The following PTH2R variants were observed in gnomAD, a reference collection of about 807,000 sequenced individuals.
PTH2R encodes the protein parathyroid hormone 2 receptor.
PTH2R carries 59 observed loss-of-function variants against 60.3 expected under a neutral mutation model. That is an observed-to-expected ratio of 0.98 (90% CI 0.79 to 1.22). The LOEUF is 1.22. Among genes scored for constraint, PTH2R ranks in the 50% most tolerant of loss-of-function variants. PTH2R has a pLI of 0.00. For missense variants in PTH2R, 749 were observed against 682.6 expected, an observed-to-expected ratio of 1.10 and a Z score of -1.08; for synonymous variants, 256 against 243.8, an observed-to-expected ratio of 1.05 and a Z score of -0.47.
chr2:208,365,960 A>ATTTTTTT (rs1172950601), intron 1 of PTH2R, among the ~76,000 whole-genome samples: 2 of 16,112 alleles, frequency 1.2e-4, no homozygotes, highest in Admixed American at 1.7e-3. Flanking sequence ...ATATATATAT[A>ATTTTTTT]TTTTTTTTTT....
At chr2:208,492,248 C>A (rs1215227917) in intron 12 of PTH2R, among the ~76,000 whole-genome samples, 7 of 152,202 alleles carry the variant, frequency 4.6e-5, no homozygotes, top group Admixed American at 4.6e-4. Context: ...AGATTGATAG[C>A]ATGACAGTTA....
intron 1 of PTH2R, among the ~76,000 whole-genome samples, chr2:208,377,727 C>T (rs1474141603): frequency 6.6e-6 from 1 of 151,796 alleles, no homozygotes; most frequent in Non-Finnish European, 1.5e-5. Context: ...CTCCTCACCT[C>T]CCAGACGGGG....
At chr2:208,411,161 G>A (rs1285285555) in intron 1 of PTH2R, among the ~76,000 whole-genome samples, 9 of 152,262 alleles carry the variant, frequency 5.9e-5, no homozygotes, top group African/African-American at 2.2e-4. Context: ...TGGGAGGATC[G>A]CTTGAACCCT....
intron 9 of PTH2R, among the ~76,000 whole-genome samples, chr2:208,461,584 AATATAATGATT>A (rs1220979738): frequency 6.6e-6 from 1 of 152,160 alleles, no homozygotes; most frequent in Non-Finnish European, 1.5e-5. Context: ...CCCACATTTT[AATATAATGATT>A]ATATAATGAT....
At chr2:208,421,243 G>T (rs1275675449) in intron 1 of PTH2R, among the ~76,000 whole-genome samples, 1 of 152,068 alleles carries the variant, frequency 6.6e-6, no homozygotes. Flanking sequence ...ATAGGGTCGT[G>T]GGGATTTTTA....
At chr2:208,480,954 A>G in intron 9 of PTH2R, 116 bp from the exon 10 acceptor site, 1 of 714,212 alleles carries the variant, frequency 1.4e-6, no homozygotes. Flanking sequence ...CCCTGTTCAC[A>G]TTTATGAAAT....
At chr2:208,475,415 A>G (rs1452747705) in intron 9 of PTH2R, among the ~76,000 whole-genome samples, 1 of 152,194 alleles carries the variant, frequency 6.6e-6, no homozygotes, top group Non-Finnish European at 1.5e-5. Context: ...ACTGGCATTA[A>G]AAAAACAAAC....
chr2:208,379,641 C>G (rs953186933), intron 1 of PTH2R, among the ~76,000 whole-genome samples: 3 of 51,914 alleles, frequency 5.8e-5, no homozygotes, highest in Admixed American at 3.1e-4. Flanking sequence ...GGGCGGATCA[C>G]TTGAGGTCAG....
intron 1 of PTH2R, among the ~76,000 whole-genome samples, chr2:208,425,834 C>T (rs773202866): frequency 1.6e-4 from 25 of 152,176 alleles, no homozygotes; most frequent in Non-Finnish European, 3.4e-4. Flanking sequence ...TTCTTTTACT[C>T]CAAGTTGGGG....
intron 9 of PTH2R, among the ~76,000 whole-genome samples, chr2:208,467,336 CT>C (rs1702776446): frequency 6.6e-6 from 1 of 152,028 alleles, no homozygotes. Context: ...AAATCTTCTC[CT>C]AACCTAAAAA....
chr2:208,433,763 G>C (rs1299160450), intron 2 of PTH2R, among the ~76,000 whole-genome samples: 2 of 152,204 alleles, frequency 1.3e-5, no homozygotes, highest in African/African-American at 4.8e-5. Flanking sequence ...TATTTCAAGT[G>C]TGGTCACATT....
At chr2:208,437,681 C>G (rs1314727480) in intron 3 of PTH2R, 34 bp downstream of exon 3, 2 of 1,601,698 alleles carry the variant, frequency 1.2e-6, no homozygotes, top group Admixed American at 3.4e-5. Context: ...TAATTTAAAA[C>G]AAACATTTAC....
chr2:208,458,141 C>T (rs535174980), intron 8 of PTH2R, among the ~76,000 whole-genome samples: 1 of 152,172 alleles, frequency 6.6e-6, no homozygotes, highest in African/African-American at 2.4e-5. Context: ...CTAGTACAAA[C>T]CAGATTGGGT....
At chr2:208,364,917 G>C (rs1189014571) in intron 1 of PTH2R, among the ~76,000 whole-genome samples, 1 of 151,880 alleles carries the variant, frequency 6.6e-6, no homozygotes, top group Non-Finnish European at 1.5e-5. Context: ...TCTTTTTGAT[G>C]CCATTGCAAC....
At chr2:208,441,397 T>C (rs1386646508) in intron 4 of PTH2R, among the ~76,000 whole-genome samples, 1 of 152,208 alleles carries the variant, frequency 6.6e-6, no homozygotes, top group African/African-American at 2.4e-5. Flanking sequence ...TAAATTCAGC[T>C]GTCTAGCAGC....
intron 7 of PTH2R, among the ~76,000 whole-genome samples, chr2:208,448,158 T>C (rs1702327682): frequency 1.3e-5 from 2 of 152,168 alleles, no homozygotes; most frequent in Admixed American, 1.3e-4. Flanking sequence ...TAAAATATCT[T>C]AATCCAGCAA....
intron 9 of PTH2R, chr2:208,466,478 T>C (rs1436476726): frequency 6.6e-6 from 1 of 152,322 alleles, no homozygotes; most frequent in Non-Finnish European, 1.5e-5. Context: ...GGACTTCTGA[T>C]AACATCTAAT....
intron 1 of PTH2R, among the ~76,000 whole-genome samples, chr2:208,368,257 G>A (rs1700631034): frequency 6.6e-6 from 1 of 152,140 alleles, no homozygotes. Flanking sequence ...TGGGATTGTT[G>A]TGGGTATCTT....
At chr2:208,453,849 G>T (rs900438561) in intron 8 of PTH2R, among the ~76,000 whole-genome samples, 1 of 152,136 alleles carries the variant, frequency 6.6e-6, no homozygotes, top group Non-Finnish European at 1.5e-5. Context: ...TTATGAAAGG[G>T]CTTTGTAAAC....
Sources: allele counts gnomAD v4.1 joint callset (sites outside exome capture counted in the v4.1 genomes callset), GRCh38; gene constraint gnomAD v4.1.1; transcripts MANE v1.5; gene names NCBI Gene and HGNC (gene_info 2026-07-23, HGNC 2026-07-21).